SNTG2: variants seen among roughly 807,000 people sequenced by gnomAD.
SNTG2 encodes the protein gamma-2-syntrophin.
SNTG2 carries 74 observed loss-of-function variants against 70.9 expected under a neutral mutation model. The observed-to-expected ratio is 1.04, with a 90% CI of 0.86 to 1.27. The LOEUF (loss-of-function observed/expected upper bound fraction) is 1.27. Among genes scored for constraint, SNTG2 ranks in the 50% most tolerant of loss-of-function variants. The probability of loss-of-function intolerance (pLI) is 0.00; values close to 1 mark genes in which losing one functional copy is unlikely to be tolerated. For synonymous variants in SNTG2, 278 were observed against 273.8 expected (o/e 1.02, Z -0.15); for missense variants, 717 against 690.7 (o/e 1.04, Z -0.43).
intron 9 of SNTG2, among the ~76,000 whole-genome samples, chr2:1,231,032 GCC>G (rs1676196098): frequency 2.0e-5 from 3 of 151,222 alleles, no homozygotes; most frequent in Admixed American, 6.6e-5. Flanking sequence ...TAATGACAGT[GCC>G]TCTTCCATAG....
intron 12 of SNTG2, among the ~76,000 whole-genome samples, chr2:1,251,476 T>TCATGCACACACCACACGCACACCA (rs1558597767): frequency 9.2e-6 from 1 of 108,164 alleles, no homozygotes; most frequent in African/African-American, 3.7e-5. Flanking sequence ...CACACACCAC[T>TCATGCACACACCACACGCACACCA]CATGCACACA....
chr2:1,357,663 A>G (rs575775498), intron 16 of SNTG2, among the ~76,000 whole-genome samples: 1 of 151,926 alleles, frequency 6.6e-6, no homozygotes, highest in African/African-American at 2.4e-5. Flanking sequence ...CTTTTGTTGG[A>G]ATGTTTTTGA....
chr2:1,007,832 G>A (rs1292815306), intron 1 of SNTG2, among the ~76,000 whole-genome samples: 3 of 152,168 alleles, frequency 2.0e-5, no homozygotes, highest in Non-Finnish European at 4.4e-5. Context: ...GGAGTGCAGT[G>A]GTGCGATCTC....
chr2:1,099,021 A>T (rs112776354), intron 4 of SNTG2, among the ~76,000 whole-genome samples: 347 of 152,322 alleles, frequency 2.3e-3, no homozygotes, highest in African/African-American at 8.0e-3. Context: ...CACACATTCC[A>T]CTATCGGGTA....
intron 9 of SNTG2, among the ~76,000 whole-genome samples, chr2:1,211,166 AGT>A (rs1436479574): frequency 6.6e-6 from 1 of 152,218 alleles, no homozygotes; most frequent in Non-Finnish European, 1.5e-5. Flanking sequence ...TTCCTTTTAA[AGT>A]GTGTGCTTGT....
At chr2:1,230,886 A>C (rs1456010043) in intron 9 of SNTG2, among the ~76,000 whole-genome samples, 1 of 152,030 alleles carries the variant, frequency 6.6e-6, no homozygotes, top group African/African-American at 2.4e-5. Context: ...ACTTAGGATA[A>C]TGACAGTGCC....
chr2:1,307,343 G>T (rs1431120420), intron 14 of SNTG2, among the ~76,000 whole-genome samples: 2 of 149,720 alleles, frequency 1.3e-5, no homozygotes, highest in Admixed American at 1.3e-4. Flanking sequence ...TGTGGTGTAT[G>T]AGCCATGCAC....
chr2:1,339,981 T>C (rs1464987159), intron 16 of SNTG2, among the ~76,000 whole-genome samples: 1 of 152,230 alleles, frequency 6.6e-6, no homozygotes, highest in African/African-American at 2.4e-5. Context: ...GAAATCAAGC[T>C]GGGATGCAGC....
At chr2:1,170,608 A>G (rs73171704) in intron 7 of SNTG2, among the ~76,000 whole-genome samples, 330 of 144,012 alleles carry the variant, frequency 2.3e-3, no homozygotes, top group African/African-American at 7.8e-3. Context: ...ATCTTCCCCC[A>G]GTGTAGTTTC....
chr2:1,305,569 G>A (rs1165352155), intron 14 of SNTG2, among the ~76,000 whole-genome samples: 1 of 152,194 alleles, frequency 6.6e-6, no homozygotes, highest in African/African-American at 2.4e-5. Context: ...TGAAAGAATT[G>A]TGTTTGGAAA....
chr2:1,228,750 A>G (rs1160607600), intron 9 of SNTG2, among the ~76,000 whole-genome samples: 2 of 152,172 alleles, frequency 1.3e-5, no homozygotes, highest in Non-Finnish European at 2.9e-5. Flanking sequence ...TGTGTCCAGA[A>G]TTGGTGGGTT....
intron 6 of SNTG2, among the ~76,000 whole-genome samples, chr2:1,165,264 T>C (rs896961769): frequency 1.3e-5 from 2 of 152,194 alleles, no homozygotes; most frequent in Non-Finnish European, 2.9e-5. Context: ...ATTGCATTCA[T>C]AGGGATGCAG....
intron 16 of SNTG2, among the ~76,000 whole-genome samples, chr2:1,327,701 A>G (rs527605361): frequency 1.3e-5 from 2 of 152,350 alleles, no homozygotes; most frequent in African/African-American, 4.8e-5. Flanking sequence ...AAATGCAAGC[A>G]TAATTTACTG....
intron 16 of SNTG2, among the ~76,000 whole-genome samples, chr2:1,340,362 G>A (rs536835828): frequency 7.9e-5 from 12 of 152,280 alleles, no homozygotes; most frequent in South Asian, 4.1e-4. Context: ...ATTACAAAAC[G>A]CCATTCTTTA....
Position 1,051,058 on chromosome 2 carries a change from G to A in SNTG2, c.73-32460G>A, listed in dbSNP as rs560426827. ...GCTTATCTGTTTTCATATCACATGC[G>A]TAGATACTTTTGGATTATCTCCATG... On this transcript the variant is annotated intron_variant, in intron 1 of 16. Transcript: ENST00000308624. 4.6e-5 allele frequency among the ~76,000 whole-genome samples: 7 copies of A among 151,170 alleles called. No homozygotes were observed. The East Asian group carries it at 6.0e-4, about 13-fold the overall frequency.
At chr2:1,279,447 C>G (rs543474985) in intron 14 of SNTG2, among the ~76,000 whole-genome samples, 2 of 152,350 alleles carry the variant, frequency 1.3e-5, no homozygotes, top group Non-Finnish European at 2.9e-5. Flanking sequence ...TTCCTTACCT[C>G]CATGCTTTCA....
chr2:1,127,244 C>G (rs1301090679), intron 4 of SNTG2, among the ~76,000 whole-genome samples: 1 of 150,530 alleles, frequency 6.6e-6, no homozygotes, highest in Non-Finnish European at 1.5e-5. Context: ...GTTCTTGGTG[C>G]CTTTGTAAAA....
chr2:1,134,977 C>G (rs2148324815), intron 4 of SNTG2, among the ~76,000 whole-genome samples: 1 of 152,308 alleles, frequency 6.6e-6, no homozygotes, highest in Admixed American at 6.5e-5. Flanking sequence ...GGCTAAGCCC[C>G]TCATTGAGAC....
At position 1,157,122 on chromosome 2, in the gene SNTG2, C is replaced by T. The variant is rs1041026301; in HGVS notation, c.412-8426C>T. Among the ~76,000 whole-genome samples, 7 of 152,316 alleles carry T rather than the reference C, an allele frequency of 4.6e-5. No homozygotes were observed. The South Asian group carries it at 8.3e-4, about 18-fold the overall frequency. ...CTGTTTAGCAGAAATAGTCAAAACT[C>T]GGCTTCTTCCTGACTCGGCCCCTTC... is the stretch of plus-strand genomic sequence containing the variant. On this transcript the variant is annotated intron_variant, in intron 6 of 16. Transcript: ENST00000308624.
Sources: allele counts gnomAD v4.1 joint callset (sites outside exome capture counted in the v4.1 genomes callset), GRCh38; gene constraint gnomAD v4.1.1; transcripts MANE v1.5; gene names NCBI Gene and HGNC (gene_info 2026-07-23, HGNC 2026-07-21).